The following FBXO34 variants were observed in gnomAD, a reference collection of about 807,000 sequenced individuals.
FBXO34 encodes F-box protein 34, also known as F-box only protein 34.
Under a neutral mutation model 24.5 loss-of-function variants are expected in FBXO34, and 12 were observed. That is an observed-to-expected ratio of 0.49 (90% CI 0.31 to 0.79). The LOEUF (loss-of-function observed/expected upper bound fraction) is 0.79. FBXO34 is among the 30% of genes least tolerant of loss of function. The probability of loss-of-function intolerance (pLI) is 0.04; values close to 1 mark genes in which losing one functional copy is unlikely to be tolerated. For synonymous variants in FBXO34, 320 were observed against 311.9 expected, an observed-to-expected ratio of 1.03 and a Z score of -0.27; for missense variants, 823 against 857.7, an observed-to-expected ratio of 0.96 and a Z score of 0.51.
chr14:55,304,501 C>A (rs1323377972), intron 1 of FBXO34, among the ~76,000 whole-genome samples: 1 of 151,972 alleles, frequency 6.6e-6, no homozygotes, highest in Non-Finnish European at 1.5e-5. Context: ...CAGTCCCTCA[C>A]CCTGCTTTTC....
At chr14:55,363,502 A>G (rs935988095), downstream of FBXO34, among the ~76,000 whole-genome samples, 18 of 150,950 alleles carry the variant, frequency 1.2e-4, no homozygotes, top group African/African-American at 4.4e-4. Context: ...TAATTTTTGT[A>G]TTTTTAGTAG....
At chr14:55,360,684 G>C (rs1173301404) in intron 3 of FBXO34, among the ~76,000 whole-genome samples, 1 of 152,090 alleles carries the variant, frequency 6.6e-6, no homozygotes, top group Non-Finnish European at 1.5e-5. Flanking sequence ...AGAAAGGATT[G>C]TAAGCCAAAC....
chr14:55,386,687 C>T, the FBXO34 span, among the ~76,000 whole-genome samples: 2 of 152,128 alleles, frequency 1.3e-5, no homozygotes, highest in Non-Finnish European at 2.9e-5. Context: ...TTAAGTGCTG[C>T]AAGGGAAACA....
chr14:55,317,427 C>A (rs1196752546), intron 1 of FBXO34, among the ~76,000 whole-genome samples: 1 of 151,866 alleles, frequency 6.6e-6, no homozygotes, highest in Non-Finnish European at 1.5e-5. Flanking sequence ...GTTGCAGTGA[C>A]CCGAGATTGT....
In FBXO34 at chr14:55,351,718, C is replaced by G; in HGVS notation, c.1328C>G (p.Thr443Ser). 2 of 1,614,230 alleles carry G rather than the reference C, an allele frequency of 1.2e-6. No individual in the cohort carries two copies. The highest frequency in any genetic ancestry group is 1.7e-6 in the Non-Finnish European group (2 of 1,180,054). ...DCMSRELVSL[T>S]SRNPDQRKES... ...ATGAGCAGAGAGCTTGTGTCCCTTA[C>G]TAGCCGAAATCCTGATCAAAGAAAA... Residue 443 changes from threonine to serine, a missense_variant, in exon 2 of 2, where the codon ACT (threonine) becomes AGT (serine). Coordinates refer to ENST00000313833, the MANE Select transcript of FBXO34 (RefSeq NM_017943.4).
chr14:55,327,095 A>G (rs1883366008), intron 1 of FBXO34, among the ~76,000 whole-genome samples: 1 of 152,220 alleles, frequency 6.6e-6, no homozygotes, highest in Admixed American at 6.5e-5. Context: ...ATAGTACTAT[A>G]TGAGGACAGT....
intron 1 of FBXO34, among the ~76,000 whole-genome samples, chr14:55,324,612 AT>A (rs999149040): frequency 2.7e-5 from 4 of 150,852 alleles, no homozygotes; most frequent in East Asian, 2.0e-4. Context: ...GTAATGATAG[AT>A]TTTTTTTTCT....
At chr14:55,320,520 G>T (rs1291516040) in intron 1 of FBXO34, among the ~76,000 whole-genome samples, 2 of 152,228 alleles carry the variant, frequency 1.3e-5, no homozygotes, top group African/African-American at 2.4e-5. Context: ...GGGAGGCTGA[G>T]GCGGGCAGAT....
chr14:55,424,537 G>C, the FBXO34 span, among the ~76,000 whole-genome samples: 290 of 152,300 alleles, frequency 1.9e-3, 3 homozygotes, highest in Non-Finnish European at 2.5e-3. Context: ...AGTGTATTGA[G>C]AGCTTGTTGG....
chr14:55,430,291 G>C, the FBXO34 span, among the ~76,000 whole-genome samples: 4 of 150,554 alleles, frequency 2.7e-5, no homozygotes, highest in African/African-American at 9.8e-5. Flanking sequence ...ACTAAAGCAA[G>C]TGTTTGATTC....
chr14:55,311,941 C>T (rs1882756032), intron 1 of FBXO34, among the ~76,000 whole-genome samples: 1 of 152,148 alleles, frequency 6.6e-6, no homozygotes, highest in African/African-American at 2.4e-5. Flanking sequence ...TGGCTCACGT[C>T]TGTAATCCCC....
the FBXO34 span, among the ~76,000 whole-genome samples, chr14:55,434,234 C>G: frequency 1.3e-5 from 2 of 152,138 alleles, 1 homozygote; most frequent in Non-Finnish European, 2.9e-5. Flanking sequence ...GATAGGCATG[C>G]TAAAGATGAA....
chr14:55,411,702 C>T, the FBXO34 span: 2 of 1,612,946 alleles, frequency 1.2e-6, no homozygotes, highest in Non-Finnish European at 1.7e-6. Context: ...GGGCAGCGCT[C>T]CACAGCCACG....
chr14:55,344,548 T>A (rs1202953578), intron 1 of FBXO34, among the ~76,000 whole-genome samples: 3 of 34,294 alleles, frequency 8.7e-5, no homozygotes, highest in Non-Finnish European at 1.4e-4. Flanking sequence ...GTATGTGTAT[T>A]TTTTTTTTTT....
the FBXO34 span, among the ~76,000 whole-genome samples, chr14:55,442,221 T>G: frequency 6.6e-6 from 1 of 151,458 alleles, no homozygotes; most frequent in Non-Finnish European, 1.5e-5. Context: ...AAACCCCATC[T>G]ATACCTAAAA....
At chr14:55,293,174 C>T (rs567112116) in intron 1 of FBXO34, among the ~76,000 whole-genome samples, 16 of 151,862 alleles carry the variant, frequency 1.1e-4, no homozygotes, top group African/African-American at 2.2e-4. Flanking sequence ...TGAGCCACCC[C>T]GCACCCGGCC....
chr14:55,284,424 A>C (rs1209658336), intron 1 of FBXO34, among the ~76,000 whole-genome samples: 22 of 151,052 alleles, frequency 1.5e-4, no homozygotes, highest in Admixed American at 1.5e-3. Flanking sequence ...GAGGCAGGAG[A>C]ATCTCTTGAA....
chr14:55,407,987 C>T, the FBXO34 span, among the ~76,000 whole-genome samples: 1 of 152,098 alleles, frequency 6.6e-6, no homozygotes, highest in African/African-American at 2.4e-5. Flanking sequence ...AGAAGGCCTA[C>T]AACTGTGGAG....
intron 3 of FBXO34, among the ~76,000 whole-genome samples, chr14:55,360,046 A>T (rs11626485): frequency 6.6e-6 from 1 of 151,750 alleles, no homozygotes; most frequent in Non-Finnish European, 1.5e-5. Flanking sequence ...TTGCTACTGC[A>T]CTCCAGCCTG....
Sources: allele counts gnomAD v4.1 joint callset (sites outside exome capture counted in the v4.1 genomes callset), GRCh38; gene constraint gnomAD v4.1.1; transcripts MANE v1.5; gene names NCBI Gene and HGNC (gene_info 2026-07-23, HGNC 2026-07-21).